Variants in CNTNAP3 observed in about 807,000 individuals in gnomAD.
CNTNAP3 encodes the protein contactin associated protein family member 3.
A neutral mutation model predicts 92.1 loss-of-function variants in CNTNAP3; 36 were observed. The ratio of observed to expected loss-of-function variants is 0.39; its 90% CI spans 0.30 to 0.52. The LOEUF is 0.52. Ranked by LOEUF, CNTNAP3 falls within the 20% of genes least tolerant of loss-of-function variation. The pLI is 0.76. For synonymous variants in CNTNAP3, 232 were observed against 422.3 expected, an observed-to-expected ratio of 0.55 and a Z score of 5.53; for missense variants, 534 against 1,069.6, an observed-to-expected ratio of 0.50 and a Z score of 6.98.
intron 18 of CNTNAP3, among the ~76,000 whole-genome samples, chr9:39,090,298 T>C (rs1441500995): frequency 1.3e-5 from 2 of 152,214 alleles, no homozygotes; most frequent in Non-Finnish European, 2.9e-5. Flanking sequence ...ATAAGAGACA[T>C]GATTTGCAAT....
chr9:39,122,215 C>T (rs530115919), intron 13 of CNTNAP3, among the ~76,000 whole-genome samples: 192 of 152,272 alleles, frequency 1.3e-3, no homozygotes, highest in African/African-American at 4.4e-3. Context: ...ATTAGCCGGG[C>T]GTGGTGGCGG....
chr9:39,105,786 C>T (rs1386569036), intron 15 of CNTNAP3, among the ~76,000 whole-genome samples: 1 of 151,750 alleles, frequency 6.6e-6, no homozygotes, highest in Non-Finnish European at 1.5e-5. Context: ...GATCTGCAGG[C>T]TATTTACTAG....
intron 18 of CNTNAP3, among the ~76,000 whole-genome samples, chr9:39,098,391 T>C (rs1826374619): frequency 6.6e-6 from 1 of 151,832 alleles, no homozygotes; most frequent in Admixed American, 6.6e-5. Flanking sequence ...TCCATTTCCA[T>C]AAAATATAAA....
At chr9:39,094,634 A>T (rs1181596425) in intron 18 of CNTNAP3, among the ~76,000 whole-genome samples, 3 of 150,838 alleles carry the variant, frequency 2.0e-5, no homozygotes, top group Non-Finnish European at 4.4e-5. Flanking sequence ...GACAAAGACT[A>T]TGTTAAACAT....
rs1224481398 is a variant in CNTNAP3, at chr9:39,067,486, C to G, written c.*6404G>C. On this transcript the variant is annotated 3_prime_UTR_variant, in exon 24 of 24. Transcript: ENST00000297668. ...AATCTCGGCCCACTGCAAACTCTGC[C>G]TCCCGGGTTCATGCCATTCTCCTGC... is the stretch of plus-strand genomic sequence containing the variant. Among the ~76,000 whole-genome samples the G allele has an allele frequency of 1.7e-5, 2 of 117,262 alleles. No homozygotes were observed. The highest frequency in any genetic ancestry group is 3.7e-5 in the Non-Finnish European group (2 of 54,192). 76.9% of individuals were successfully genotyped at this position (117,262 alleles called of 152,430 possible).
intron 14 of CNTNAP3, among the ~76,000 whole-genome samples, chr9:39,116,560 A>G (rs1820862718): frequency 6.6e-6 from 1 of 152,232 alleles, no homozygotes; most frequent in Non-Finnish European, 1.5e-5. Flanking sequence ...CCTGAAACTT[A>G]CTGGTGGTCA....
At chr9:39,170,378 G>C (rs927785585) in intron 8 of CNTNAP3, among the ~76,000 whole-genome samples, 4 of 105,860 alleles carry the variant, frequency 3.8e-5, no homozygotes, top group Non-Finnish European at 6.7e-5. Flanking sequence ...TCAAGCAGAA[G>C]TCAGCCTCTT....
intron 18 of CNTNAP3, among the ~76,000 whole-genome samples, chr9:39,094,488 T>TC (rs1826283688): frequency 1.3e-5 from 2 of 151,670 alleles, no homozygotes; most frequent in African/African-American, 4.8e-5. Context: ...ATTTTATAGT[T>TC]TTATCTTTTA....
chr9:39,217,358 G>GCATA lies in CNTNAP3; in HGVS notation c.390+21634_390+21635insTATG, dbSNP rs1180122382. 9.7e-3 allele frequency among the ~76,000 whole-genome samples: 41 copies of GCATA among 4,242 alleles called. 4 individuals are homozygous for GCATA. The highest frequency in any genetic ancestry group is 0.013 in the African/African-American group (38 of 2,942). 2.8% of individuals were successfully genotyped at this position (4,242 alleles called of 152,430 possible). On this transcript the variant is annotated intron_variant, in intron 3 of 23. Coordinates refer to ENST00000297668, the MANE Select transcript of CNTNAP3 (RefSeq NM_033655.5). ...CTAGAAATATTTCATATTTACATGA[G>GCATA]TATATATATATATATATATATATAT...
chr9:39,135,034 T>A (rs1278806671), intron 12 of CNTNAP3, among the ~76,000 whole-genome samples: 2 of 152,106 alleles, frequency 1.3e-5, no homozygotes. Flanking sequence ...TCAGAATACA[T>A]CTGTAAAACT....
At chr9:39,111,753 AGTT>A (rs897228079) in intron 14 of CNTNAP3, among the ~76,000 whole-genome samples, 33 of 152,110 alleles carry the variant, frequency 2.2e-4, no homozygotes, top group African/African-American at 7.5e-4. Flanking sequence ...GGGAGCTCCA[AGTT>A]TCATTCCATT....
intron 9 of CNTNAP3, chr9:39,155,382 T>A (rs559453020): frequency 2.9e-5 from 4 of 136,080 alleles, no homozygotes; most frequent in African/African-American, 1.1e-4. Context: ...CAATTAAAGC[T>A]GTTGTTCACT....
chr9:39,081,354 G>A (rs1825927976), intron 21 of CNTNAP3, among the ~76,000 whole-genome samples: 1 of 151,832 alleles, frequency 6.6e-6, no homozygotes, highest in African/African-American at 2.4e-5. Flanking sequence ...TAGCTGAATA[G>A]CTCTAATCAA....
intron 21 of CNTNAP3, among the ~76,000 whole-genome samples, chr9:39,082,108 T>G (rs1825958434): frequency 6.9e-6 from 1 of 144,896 alleles, no homozygotes; most frequent in African/African-American, 2.5e-5. Flanking sequence ...ACAAAGAAAC[T>G]CAAATCAATT....
At position 39,148,547 on chromosome 9, in the gene CNTNAP3, A is replaced by G. The variant is rs1252254989; in HGVS notation, c.1649+1259T>C. The stretch of plus-strand genomic sequence containing the variant: ...ATAACTTTTTTTTTTTTTTTTTTTG[A>G]GAAGAGTCTGGCTCTGTCACCCAGG... On this transcript the variant is annotated intron_variant, in intron 10 of 23. Coordinates refer to ENST00000297668, the MANE Select transcript of CNTNAP3 (RefSeq NM_033655.5). Among the ~76,000 whole-genome samples the G allele has an allele frequency of 3.9e-5, 5 of 128,818 alleles. No individual in the cohort carries two copies. The South Asian group carries it at 9.9e-4, about 25-fold the overall frequency. 84.5% of individuals were successfully genotyped at this position (128,818 alleles called of 152,430 possible). A position where few individuals can be genotyped will look rare whatever the true frequency, so the allele number is the denominator to read the frequency against.
chr9:39,149,305 T>C (rs1214595866), intron 10 of CNTNAP3, among the ~76,000 whole-genome samples: 1 of 152,166 alleles, frequency 6.6e-6, no homozygotes, highest in African/African-American at 2.4e-5. Flanking sequence ...AATAAAATAC[T>C]ATCATTTAAA....
Position 39,080,580 on chromosome 9 carries a change from T to C in CNTNAP3, c.3443-1660A>G, listed in dbSNP as rs539779932. Among the ~76,000 whole-genome samples the C allele has an allele frequency of 6.5e-3, 905 of 138,738 alleles. 153 individuals are homozygous for C. Among genetic ancestry groups the C allele is most frequent in the Non-Finnish European group, 7.3e-3 (465 of 63,750 alleles). 91.0% of individuals were successfully genotyped at this position (138,738 alleles called of 152,430 possible). A position where few individuals can be genotyped will look rare whatever the true frequency, so the allele number is the denominator to read the frequency against. ...CCACACGATCTTAACAAGAGTATTTTTATCTTTTGACATGATACAAGATGG... is the reference window on the plus strand; with the variant it reads ...CCACACGATCTTAACAAGAGTATTTCTATCTTTTGACATGATACAAGATGG... On this transcript the variant is annotated intron_variant, in intron 21 of 23. Transcript: ENST00000297668.
intron 18 of CNTNAP3, among the ~76,000 whole-genome samples, chr9:39,090,818 A>G (rs1160639875): frequency 6.6e-6 from 1 of 152,310 alleles, no homozygotes; most frequent in Non-Finnish European, 1.5e-5. Context: ...TAATTATTCA[A>G]TCCATGACAT....
chr9:39,085,877 T>C, intron 20 of CNTNAP3, 54 bp from the exon 21 acceptor site: 7 of 1,422,066 alleles, frequency 4.9e-6, no homozygotes, highest in Non-Finnish European at 6.9e-6. Flanking sequence ...ATTTTAATGA[T>C]AAGGAAGCAA....
Sources: allele counts gnomAD v4.1 joint callset (sites outside exome capture counted in the v4.1 genomes callset), GRCh38; gene constraint gnomAD v4.1.1; transcripts MANE v1.5; gene names NCBI Gene and HGNC (gene_info 2026-07-23, HGNC 2026-07-21).